Variants in DCDC2 observed in about 807,000 individuals in gnomAD.
DCDC2 encodes doublecortin domain-containing protein 2.
DCDC2 carries 40 observed loss-of-function variants against 50.2 expected under a neutral mutation model. The observed-to-expected ratio is 0.80, with a 90% confidence interval of 0.62 to 1.04. The LOEUF is 1.04. Among genes scored for constraint, DCDC2 ranks in the 50% least tolerant of loss-of-function variants. The pLI, the probability that DCDC2 is intolerant of heterozygous loss-of-function variation, is 0.00. For synonymous variants in DCDC2, 234 were observed against 210.6 expected, an observed-to-expected ratio of 1.11 and a Z score of -0.96; for missense variants, 570 against 581.9, an observed-to-expected ratio of 0.98 and a Z score of 0.21.
intron 7 of DCDC2, among the ~76,000 whole-genome samples, chr6:24,224,151 G>T (rs1762177012): frequency 6.6e-6 from 1 of 152,152 alleles, no homozygotes; most frequent in African/African-American, 2.4e-5. Context: ...GAGTTCACCG[G>T]GAATGGGCTC....
rs56376644 is a variant in DCDC2 at position 24,179,953 on chromosome 6, C to CAAAA, written c.1024-1325_1024-1322dup. Reference sequence around the variant, plus strand: ...TGGGCGACAGAGCAAGACTCCATCTCAAAAAAAAAAAAAAAAAACAAGGGG... The same window carrying CAAAA: ...TGGGCGACAGAGCAAGACTCCATCTCAAAAAAAAAAAAAAAAAAAAAACAAGGGG... On this transcript the variant is annotated intron_variant, in intron 8 of 9. Coordinates refer to ENST00000378454, the MANE Select transcript of DCDC2 (RefSeq NM_016356.5). Among the ~76,000 whole-genome samples the CAAAA allele has an allele frequency of 3.0e-3, 256 of 85,864 alleles. 5 individuals are homozygous for CAAAA. Among genetic ancestry groups the CAAAA allele is most frequent in the African/African-American group, 0.01 (216 of 21,380 alleles). The allele number at this position is 85,864 out of a possible 152,430, so 56.3% of individuals were successfully genotyped here.
intron 2 of DCDC2, among the ~76,000 whole-genome samples, chr6:24,333,588 G>A (rs1359525773): frequency 2.0e-5 from 3 of 152,142 alleles, no homozygotes; most frequent in Non-Finnish European, 4.4e-5. Flanking sequence ...TCAACGTACT[G>A]AAGATTCATG....
intron 7 of DCDC2, among the ~76,000 whole-genome samples, chr6:24,262,299 C>T (rs1034462944): frequency 7.2e-5 from 11 of 152,172 alleles, no homozygotes; most frequent in African/African-American, 2.7e-4. Context: ...TAGACCAGCC[C>T]CAGCCAGAGG....
Position 24,173,216 on chromosome 6 carries a change from T to TC in DCDC2, c.*1513_*1514insG, listed in dbSNP as rs1561876352. The TC allele has an allele frequency of 6.6e-6, 1 of 151,990 alleles. No homozygotes were observed. The highest frequency in any genetic ancestry group is 1.9e-4 in the East Asian group (1 of 5,198). 9.4% of individuals were successfully genotyped at this position (151,990 alleles called of 1,614,324 possible). A position where few individuals can be genotyped will look rare whatever the true frequency, so the allele number is the denominator to read the frequency against. On this transcript the variant is annotated 3_prime_UTR_variant, in exon 10 of 10. Coordinates refer to ENST00000378454, the MANE Select transcript of DCDC2 (RefSeq NM_016356.5). Reference sequence around the variant, plus strand: ...TGTCATTATCTCTTCCAAATACTGTTACATTATCTCTCTGTTTACACTTCT... The same window carrying TC: ...TGTCATTATCTCTTCCAAATACTGTTCACATTATCTCTCTGTTTACACTTCT...
chr6:24,193,328 GAAGCA>G (rs1761351527), intron 8 of DCDC2, among the ~76,000 whole-genome samples: 1 of 152,064 alleles, frequency 6.6e-6, no homozygotes, highest in Middle Eastern at 3.2e-3. Context: ...ATCCACCAAG[GAAGCA>G]AAGGAAATTC....
chr6:24,189,522 G>T (rs988299954), intron 8 of DCDC2, among the ~76,000 whole-genome samples: 6 of 152,172 alleles, frequency 3.9e-5, no homozygotes, highest in Non-Finnish European at 7.3e-5. Flanking sequence ...GCCATCTAAA[G>T]AGAGACCACA....
At chr6:24,277,879 A>C (rs926005373) in intron 7 of DCDC2, among the ~76,000 whole-genome samples, 170 bp downstream of exon 7, 9 of 152,228 alleles carry the variant, frequency 5.9e-5, no homozygotes, top group African/African-American at 1.9e-4. Flanking sequence ...TCTAATTACA[A>C]ATAAAAACCA....
chr6:24,192,672 G>A (rs1016404241), intron 8 of DCDC2, among the ~76,000 whole-genome samples: 1 of 151,840 alleles, frequency 6.6e-6, no homozygotes, highest in Non-Finnish European at 1.5e-5. Context: ...AAAATGACTA[G>A]GAAATAATCA....
intron 7 of DCDC2, among the ~76,000 whole-genome samples, chr6:24,263,588 C>T (rs1409972785): frequency 6.6e-6 from 1 of 151,992 alleles, no homozygotes; most frequent in African/African-American, 2.4e-5. Flanking sequence ...ATTTGACATA[C>T]TGAAGAAGGC....
chr6:24,187,196 T>C (rs1263485497), intron 8 of DCDC2, among the ~76,000 whole-genome samples: 1 of 152,110 alleles, frequency 6.6e-6, no homozygotes, highest in Non-Finnish European at 1.5e-5. Context: ...GTTGGGTTCC[T>C]CAACAATGGA....
rs913769748 is a variant in DCDC2, at chr6:24,301,989, A to G, written c.404T>C (p.Leu135Pro). The change falls in exon 3 of 10, where the codon CTT becomes CCT. Residue 135 changes from leucine to proline, a missense_variant. By Grantham distance (98) the Leu-to-Pro change is moderately conservative. Transcript: ENST00000378454. ...INVSARFRKP[L>P]QEPCTIFLIA... ...TTACAAGATAGTGCACGGCTCCTGA[A>G]GCGGTTTTCTAAAGCGAGCTGACAC... 1 of 1,614,112 alleles carries G rather than the reference A, an allele frequency of 6.2e-7. No individual in the cohort carries two copies. Among genetic ancestry groups the G allele is most frequent in the South Asian group, 1.1e-5 (1 of 91,080 alleles).
intron 7 of DCDC2, among the ~76,000 whole-genome samples, chr6:24,262,764 G>A (rs1436926614): frequency 1.3e-5 from 2 of 152,218 alleles, no homozygotes; most frequent in Non-Finnish European, 2.9e-5. Context: ...GGGCCAGAAG[G>A]GAACCCACCT....
intron 7 of DCDC2, among the ~76,000 whole-genome samples, chr6:24,222,583 T>C (rs1762143101): frequency 6.6e-6 from 1 of 152,226 alleles, no homozygotes; most frequent in Admixed American, 6.5e-5. Flanking sequence ...ATACACAGTA[T>C]GAGAACATCT....
the DCDC2 span, among the ~76,000 whole-genome samples, chr6:24,374,908 G>A: frequency 6.6e-6 from 1 of 152,192 alleles, no homozygotes; most frequent in Non-Finnish European, 1.5e-5. Flanking sequence ...GAGGCTGCCT[G>A]CGAGGAGCCC....
At chr6:24,213,304 A>G (rs1375423668) in intron 7 of DCDC2, among the ~76,000 whole-genome samples, 1 of 152,206 alleles carries the variant, frequency 6.6e-6, no homozygotes, top group Non-Finnish European at 1.5e-5. Context: ...ACTACGATTT[A>G]TCACTAAGAC....
intron 2 of DCDC2, among the ~76,000 whole-genome samples, chr6:24,348,881 C>T (rs1161086973): frequency 6.6e-6 from 1 of 152,130 alleles, no homozygotes; most frequent in Non-Finnish European, 1.5e-5. Flanking sequence ...AGTGAAGTAT[C>T]CATTTTATGC....
At chr6:24,227,750 G>A (rs924024213) in intron 7 of DCDC2, among the ~76,000 whole-genome samples, 13 of 152,204 alleles carry the variant, frequency 8.5e-5, no homozygotes, top group Middle Eastern at 3.2e-3. Context: ...AACAACAACC[G>A]TCTGCCCGTT....
chr6:24,247,214 G>T (rs906520758), intron 7 of DCDC2, among the ~76,000 whole-genome samples: 1 of 152,082 alleles, frequency 6.6e-6, no homozygotes, highest in Non-Finnish European at 1.5e-5. Context: ...GCAGTGTAGC[G>T]GTTAAGGTAG....
Position 24,288,890 on chromosome 6 carries a change from G to C in DCDC2, c.721C>G (p.Leu241Val). The C allele has an allele frequency of 6.2e-7, 1 of 1,601,946 alleles. No individual in the cohort carries two copies. The highest frequency in any genetic ancestry group is 8.5e-7 in the Non-Finnish European group (1 of 1,176,668). ...TTTCTGGATCCTACAATAGGAGGTA[G>C]TGAAGAAGCTTTCTGACTGTGGAAA... ...RRPFGQKASS[L>V]PPIVGSRKSK... is the part of the protein sequence containing the mutation. The change falls in exon 6 of 10, where the codon CTA becomes GTA. Residue 241 changes from leucine (L) to valine (V), a missense_variant. Transcript: ENST00000378454.
Sources: allele counts gnomAD v4.1 joint callset (sites outside exome capture counted in the v4.1 genomes callset), GRCh38; gene constraint gnomAD v4.1.1; transcripts MANE v1.5; gene names NCBI Gene and HGNC (gene_info 2026-07-23, HGNC 2026-07-21).